The following ROBO1 variants were observed in gnomAD, a reference collection of about 807,000 sequenced individuals.
ROBO1 encodes the protein roundabout guidance receptor 1.
A neutral mutation model predicts 195.9 loss-of-function variants in ROBO1; 149 were observed. The observed-to-expected ratio is 0.76, with a 90% CI of 0.67 to 0.87. The LOEUF is 0.87. Ranked by LOEUF, ROBO1 falls within the 40% of genes least tolerant of loss-of-function variation. ROBO1 has a pLI of 0.00. For missense variants in ROBO1, 1,933 were observed against 2,068.3 expected (o/e 0.93, Z 1.27); for synonymous variants, 816 against 733.2 (o/e 1.11, Z -1.82).
chr3:79,745,891 T>C (rs1703854869), intron 1 of ROBO1, among the ~76,000 whole-genome samples: 1 of 152,132 alleles, frequency 6.6e-6, no homozygotes, highest in Non-Finnish European at 1.5e-5. Context: ...CTCTTAATTA[T>C]GAACCCCTGC....
chr3:79,426,515 A>G (rs2038452081), intron 2 of ROBO1, among the ~76,000 whole-genome samples: 1 of 152,006 alleles, frequency 6.6e-6, no homozygotes, highest in Admixed American at 6.6e-5. Flanking sequence ...GATTACAGGC[A>G]CCCACCATCA....
intron 8 of ROBO1, among the ~76,000 whole-genome samples, chr3:78,700,298 T>A (rs898229022): frequency 3.9e-5 from 6 of 152,230 alleles, no homozygotes; most frequent in African/African-American, 1.4e-4. Context: ...GAAGATGGGA[T>A]CCACATCTTA....
chr3:79,220,504 C>T (rs145197086), intron 2 of ROBO1, among the ~76,000 whole-genome samples: 3 of 152,024 alleles, frequency 2.0e-5, no homozygotes, highest in African/African-American at 7.2e-5. Flanking sequence ...TATTTATCGC[C>T]TGAATTTCCT....
intron 3 of ROBO1, among the ~76,000 whole-genome samples, chr3:78,980,513 A>T (rs1398095943): frequency 6.6e-6 from 1 of 152,250 alleles, no homozygotes; most frequent in Admixed American, 6.5e-5. Flanking sequence ...AATATTCTTT[A>T]TACCAAAAAC....
intron 4 of ROBO1, among the ~76,000 whole-genome samples, chr3:78,840,981 A>T (rs769345692): frequency 6.6e-6 from 1 of 151,686 alleles, no homozygotes; most frequent in Non-Finnish European, 1.5e-5. Context: ...AGAGTGGCGT[A>T]AACCTGGGAG....
intron 2 of ROBO1, among the ~76,000 whole-genome samples, chr3:79,580,904 A>T (rs1449050723): frequency 6.6e-6 from 1 of 152,174 alleles, no homozygotes; most frequent in Non-Finnish European, 1.5e-5. Context: ...TACTCATTTT[A>T]TTTATGAATT....
chr3:78,975,202 T>C (rs930616014), intron 3 of ROBO1, among the ~76,000 whole-genome samples: 3 of 152,164 alleles, frequency 2.0e-5, no homozygotes, highest in African/African-American at 7.2e-5. Context: ...ATATCTTCAA[T>C]TTATACTTAA....
chr3:78,843,992 A>T (rs893067436), intron 4 of ROBO1, among the ~76,000 whole-genome samples: 3 of 152,120 alleles, frequency 2.0e-5, no homozygotes, highest in Non-Finnish European at 2.9e-5. Flanking sequence ...GTGTGTGACA[A>T]ATAGCACCAA....
chr3:79,543,466 G>A (rs936379654), intron 2 of ROBO1, among the ~76,000 whole-genome samples: 3 of 151,978 alleles, frequency 2.0e-5, no homozygotes, highest in Non-Finnish European at 4.4e-5. Flanking sequence ...TAAAGAGATA[G>A]TGCATCACTA....
At chr3:78,678,739 C>G (rs1440594961) in intron 10 of ROBO1, among the ~76,000 whole-genome samples, 1 of 152,132 alleles carries the variant, frequency 6.6e-6, no homozygotes, top group African/African-American at 2.4e-5. Context: ...CGAATTCTAC[C>G]AGAGGTACAA....
chr3:79,400,936 G>A (rs2037347441), intron 2 of ROBO1, among the ~76,000 whole-genome samples: 2 of 151,662 alleles, frequency 1.3e-5, no homozygotes, highest in South Asian at 4.2e-4. Context: ...TTTGATGTAA[G>A]GAGAGGAAAC....
At chr3:79,357,479 T>A (rs2035603333) in intron 2 of ROBO1, among the ~76,000 whole-genome samples, 1 of 152,036 alleles carries the variant, frequency 6.6e-6, no homozygotes, top group South Asian at 2.1e-4. Context: ...TACAAGGAGG[T>A]CATGGTTTAT....
chr3:79,462,791 T>C (rs1359605779), intron 2 of ROBO1, among the ~76,000 whole-genome samples: 1 of 152,198 alleles, frequency 6.6e-6, no homozygotes, highest in Non-Finnish European at 1.5e-5. Context: ...TAGTTAGTAT[T>C]CAGAGTTTTG....
At chr3:79,117,860 A>G (rs1467693574) in intron 3 of ROBO1, among the ~76,000 whole-genome samples, 2 of 152,210 alleles carry the variant, frequency 1.3e-5, no homozygotes, top group African/African-American at 4.8e-5. Context: ...AGAAAAATTC[A>G]TCATTGTCCA....
chr3:78,741,211 T>A (rs1295479841), intron 5 of ROBO1, among the ~76,000 whole-genome samples: 1 of 152,182 alleles, frequency 6.6e-6, no homozygotes. Flanking sequence ...AGCAATTTCA[T>A]CTCTATGCCT....
chr3:79,073,526 G>C (rs2079122378), intron 3 of ROBO1, among the ~76,000 whole-genome samples: 1 of 151,808 alleles, frequency 6.6e-6, no homozygotes, highest in African/African-American at 2.4e-5. Flanking sequence ...CAGTGCCATA[G>C]GGAGCCTTTC....
At chr3:79,447,917 A>C (rs1206692583) in intron 2 of ROBO1, among the ~76,000 whole-genome samples, 1 of 152,146 alleles carries the variant, frequency 6.6e-6, no homozygotes. Context: ...CTAGTACTAC[A>C]TCTACTAACT....
intron 2 of ROBO1, among the ~76,000 whole-genome samples, chr3:79,381,447 C>T (rs1481378331): frequency 6.7e-6 from 1 of 148,998 alleles, no homozygotes; most frequent in Non-Finnish European, 1.5e-5. Context: ...ATTTATGATG[C>T]AAAAATAGCT....
intron 2 of ROBO1, among the ~76,000 whole-genome samples, chr3:79,182,345 C>T (rs1280683050): frequency 1.3e-5 from 2 of 152,188 alleles, no homozygotes; most frequent in Non-Finnish European, 2.9e-5. Context: ...ACTAAAAATG[C>T]CTTTTCCCCT....
Sources: gnomAD v4.1 joint callset for allele counts (sites outside exome capture counted in the v4.1 genomes callset) on GRCh38, gnomAD v4.1.1 for gene constraint, MANE v1.5 for transcripts, NCBI Gene and HGNC (gene_info 2026-07-23, HGNC 2026-07-21) for gene names.